DSCAM: variants seen among roughly 807,000 people sequenced by gnomAD.
DSCAM encodes cell adhesion molecule DSCAM.
In DSCAM, 47 loss-of-function variants were observed where a neutral mutation model predicts 217.7. The ratio of observed to expected loss-of-function variants is 0.22; its 90% CI spans 0.17 to 0.28. DSCAM has a LOEUF of 0.28. Ranked by LOEUF, DSCAM falls within the 10% of genes least tolerant of loss-of-function variation. DSCAM has a pLI of 1.00. For synonymous variants in DSCAM, 1,056 were observed against 1,015.3 expected (o/e 1.04, Z -0.76); for missense variants, 2,080 against 2,618.3 (o/e 0.79, Z 4.49).
At chr21:40,300,630 T>C (rs965846098) in intron 9 of DSCAM, among the ~76,000 whole-genome samples, 3 of 152,226 alleles carry the variant, frequency 2.0e-5, no homozygotes, top group Non-Finnish European at 4.4e-5. Flanking sequence ...CAATTGTCCA[T>C]CACTGAGGGA....
At chr21:40,611,076 T>C (rs938374214) in intron 3 of DSCAM, among the ~76,000 whole-genome samples, 2 of 149,378 alleles carry the variant, frequency 1.3e-5, no homozygotes, top group African/African-American at 2.5e-5. Context: ...TTTTTTTTTT[T>C]GGGATGGAGA....
intron 1 of DSCAM, among the ~76,000 whole-genome samples, chr21:40,836,994 T>C (rs1970614359): frequency 6.6e-6 from 1 of 152,240 alleles, no homozygotes. Flanking sequence ...ATCTCCTTTC[T>C]CTGTTCTCCC....
intron 3 of DSCAM, among the ~76,000 whole-genome samples, chr21:40,526,103 G>T (rs1404116597): frequency 6.6e-6 from 1 of 152,138 alleles, no homozygotes; most frequent in Non-Finnish European, 1.5e-5. Context: ...TCTGAAAGAA[G>T]TTCCTTACAC....
At chr21:40,789,427 T>C (rs2091619874) in intron 1 of DSCAM, among the ~76,000 whole-genome samples, 1 of 152,166 alleles carries the variant, frequency 6.6e-6, no homozygotes, top group South Asian at 2.1e-4. Flanking sequence ...CAATGAGACA[T>C]TTCTGTAGCT....
At chr21:40,636,565 A>G (rs2089761853) in intron 3 of DSCAM, among the ~76,000 whole-genome samples, 1 of 152,026 alleles carries the variant, frequency 6.6e-6, no homozygotes, top group Admixed American at 6.6e-5. Context: ...TACTATAACC[A>G]TTCCTTTTTC....
intron 3 of DSCAM, among the ~76,000 whole-genome samples, chr21:40,685,269 A>C (rs889647116): frequency 1.3e-5 from 2 of 152,248 alleles, no homozygotes; most frequent in African/African-American, 4.8e-5. Context: ...TGTCAGTCTT[A>C]TGAAGGGCTG....
chr21:40,163,131 A>G lies in DSCAM; in HGVS notation c.3018+4087T>C, dbSNP rs532970253. On this transcript the variant is annotated intron_variant, in intron 16 of 32. Coordinates refer to ENST00000400454, the MANE Select transcript of DSCAM (RefSeq NM_001389.5). The stretch of plus-strand genomic sequence containing the variant: ...CAAGCATGCACACAAGTAGCTGGTA[A>G]TCACATTGTCCTTAATTTGCATCCA... Among the ~76,000 whole-genome samples the G allele has an allele frequency of 1.1e-4, 16 of 151,646 alleles. No individual in the cohort carries two copies. In the East Asian group the frequency reaches 3.1e-3, roughly 29 times the overall value.
chr21:40,508,366 A>G (rs903704347), intron 3 of DSCAM, among the ~76,000 whole-genome samples: 14 of 152,184 alleles, frequency 9.2e-5, no homozygotes, highest in African/African-American at 3.1e-4. Context: ...TTTATAAATC[A>G]AAAAGAGAAG....
chr21:40,544,337 C>T (rs1417239792), intron 3 of DSCAM, among the ~76,000 whole-genome samples: 1 of 152,082 alleles, frequency 6.6e-6, no homozygotes, highest in African/African-American at 2.4e-5. Context: ...GGTGTCACCC[C>T]AAAATTAAGA....
chr21:40,282,463 C>T (rs1402605162), intron 10 of DSCAM, among the ~76,000 whole-genome samples: 1 of 151,084 alleles, frequency 6.6e-6, no homozygotes, highest in African/African-American at 2.4e-5. Context: ...TGGTAGCGGG[C>T]GCCTGTAGTC....
intron 3 of DSCAM, among the ~76,000 whole-genome samples, chr21:40,629,018 C>T (rs1202312495): frequency 6.6e-6 from 1 of 152,004 alleles, no homozygotes; most frequent in East Asian, 1.9e-4. Flanking sequence ...GGCCACTGCA[C>T]CCAGCCCTAT....
chr21:40,771,259 G>T (rs1392979146), intron 1 of DSCAM, among the ~76,000 whole-genome samples: 1 of 152,326 alleles, frequency 6.6e-6, no homozygotes, highest in Non-Finnish European at 1.5e-5. Context: ...TCATTGAGCA[G>T]GCCATGGGCT....
intron 3 of DSCAM, among the ~76,000 whole-genome samples, chr21:40,482,093 A>T (rs556135686): frequency 1.3e-5 from 2 of 152,236 alleles, no homozygotes; most frequent in Admixed American, 1.3e-4. Flanking sequence ...TCCTTGTGAG[A>T]TTATTTCTCA....
intron 16 of DSCAM, among the ~76,000 whole-genome samples, chr21:40,158,512 C>T (rs1043170661): frequency 2.6e-5 from 4 of 152,202 alleles, no homozygotes; most frequent in African/African-American, 9.6e-5. Flanking sequence ...ACCAAGGGCC[C>T]CTGTGAACAC....
chr21:40,746,328 T>C (rs1483892605), intron 1 of DSCAM, among the ~76,000 whole-genome samples: 1 of 145,272 alleles, frequency 6.9e-6, no homozygotes, highest in African/African-American at 2.5e-5. Flanking sequence ...TATAAAAACA[T>C]GCACAGACTA....
intron 11 of DSCAM, among the ~76,000 whole-genome samples, chr21:40,245,649 C>T (rs2146950463): frequency 6.6e-6 from 1 of 152,298 alleles, no homozygotes; most frequent in South Asian, 2.1e-4. Context: ...GGGTGGAGCT[C>T]ATAGTCTCTC....
intron 20 of DSCAM, among the ~76,000 whole-genome samples, chr21:40,110,844 G>A (rs1326563521): frequency 2.6e-5 from 4 of 152,176 alleles, no homozygotes; most frequent in African/African-American, 9.7e-5. Context: ...ATGAAATGAA[G>A]TGAGAAGAGA....
At chr21:40,530,550 C>A (rs1409450363) in intron 3 of DSCAM, among the ~76,000 whole-genome samples, 1 of 152,118 alleles carries the variant, frequency 6.6e-6, no homozygotes, top group Non-Finnish European at 1.5e-5. Flanking sequence ...AAGTGCTTGG[C>A]TAATTTAAAA....
intron 27 of DSCAM, among the ~76,000 whole-genome samples, chr21:40,067,258 C>T (rs1316776993): frequency 6.6e-6 from 1 of 152,174 alleles, no homozygotes; most frequent in Non-Finnish European, 1.5e-5. Context: ...ATCATTTTTG[C>T]ACCATTGCAA....
Sources: allele counts gnomAD v4.1 joint callset (sites outside exome capture counted in the v4.1 genomes callset), GRCh38; gene constraint gnomAD v4.1.1; transcripts MANE v1.5; gene names NCBI Gene and HGNC (gene_info 2026-07-23, HGNC 2026-07-21).